TENT2: variants seen among roughly 807,000 people sequenced by gnomAD.
The protein encoded by TENT2 is terminal nucleotidyltransferase 2, also known as poly(A) RNA polymerase GLD2.
Under a neutral mutation model 72.2 loss-of-function variants are expected in TENT2, and 44 were observed. That is an observed-to-expected ratio of 0.61 (90% CI 0.48 to 0.78). TENT2 has a LOEUF of 0.78. Ranked by LOEUF, TENT2 falls within the 30% of genes least tolerant of loss-of-function variation. The probability of loss-of-function intolerance (pLI) is 0.00; values close to 1 mark genes in which losing one functional copy is unlikely to be tolerated. For synonymous variants in TENT2, 212 were observed against 192.5 expected, an observed-to-expected ratio of 1.10 and a Z score of -0.84; for missense variants, 541 against 569.6, an observed-to-expected ratio of 0.95 and a Z score of 0.51.
chr5:79,678,671 A>ATTT (rs1225555121), intron 12 of TENT2, among the ~76,000 whole-genome samples: 5 of 152,282 alleles, frequency 3.3e-5, no homozygotes, highest in Non-Finnish European at 4.4e-5. Flanking sequence ...CATTAAGTAT[A>ATTT]TTTTCATAGA....
chr5:79,621,739 C>T (rs1041409234), intron 3 of TENT2, among the ~76,000 whole-genome samples: 1 of 138,154 alleles, frequency 7.2e-6, no homozygotes, highest in African/African-American at 2.7e-5. Flanking sequence ...GCCTGGGCAA[C>T]AGAGCGAGAC....
At chr5:79,636,324 A>G (rs1012834809) in intron 4 of TENT2, among the ~76,000 whole-genome samples, 3 of 152,170 alleles carry the variant, frequency 2.0e-5, no homozygotes, top group African/African-American at 7.2e-5. Context: ...AATTAACAAC[A>G]TATGACTAAT....
chr5:79,656,984 C>T lies in TENT2; in HGVS notation c.1054C>T (p.Leu352Phe). The change falls in exon 11 of 15, where the codon CTC (leucine) becomes TTC (phenylalanine). Residue 352 changes from leucine to phenylalanine, a missense_variant. Transcript: ENST00000453514. Reference protein sequence around the residue: ...QTLPEPILPSLQKIYPESFSP... With the variant: ...QTLPEPILPSFQKIYPESFSP... ...CCTACCTGAACCCATCCTTCCATCC[C>T]TCCAAAAAATTTACCCAGTAAGTGT... The T allele has an allele frequency of 6.2e-7, 1 of 1,604,122 alleles. No individual in the cohort carries two copies. Among genetic ancestry groups the T allele is most frequent in the African/African-American group, 1.3e-5 (1 of 74,758 alleles).
At chr5:79,626,390 C>G (rs1318313426) in intron 4 of TENT2, among the ~76,000 whole-genome samples, 1 of 151,118 alleles carries the variant, frequency 6.6e-6, no homozygotes, top group Non-Finnish European at 1.5e-5. Context: ...TCACTGCAAG[C>G]TCTGCCTCCT....
chr5:79,616,383 A>G (rs867498364), intron 1 of TENT2, among the ~76,000 whole-genome samples: 6 of 150,438 alleles, frequency 4.0e-5, no homozygotes, highest in Admixed American at 6.6e-5. Context: ...TGTATTTAGT[A>G]GGGATTTCAC....
chr5:79,628,785 G>A (rs949753307), intron 4 of TENT2, among the ~76,000 whole-genome samples: 15 of 152,150 alleles, frequency 9.9e-5, no homozygotes, highest in African/African-American at 3.6e-4. Context: ...ATCATATAGG[G>A]CTTATGAGAA....
At chr5:79,613,716 G>C (rs916983080) in intron 1 of TENT2, among the ~76,000 whole-genome samples, 1 of 152,222 alleles carries the variant, frequency 6.6e-6, no homozygotes, top group Non-Finnish European at 1.5e-5. Context: ...TTGGAGCCAT[G>C]TGACTAGATT....
At chr5:79,674,194 C>T (rs1815280747) in intron 12 of TENT2, among the ~76,000 whole-genome samples, 1 of 152,066 alleles carries the variant, frequency 6.6e-6, no homozygotes. Flanking sequence ...TCAACCTGAC[C>T]AACATGGTGA....
intron 10 of TENT2, among the ~76,000 whole-genome samples, chr5:79,655,447 T>G (rs898579768): frequency 1.3e-5 from 2 of 152,106 alleles, no homozygotes; most frequent in African/African-American, 2.4e-5. Context: ...AATCTTCTCT[T>G]CATCCTTTGT....
chr5:79,654,763 C>CA (rs60829850), intron 10 of TENT2, among the ~76,000 whole-genome samples: 2,875 of 145,750 alleles, frequency 0.02, 82 homozygotes, highest in African/African-American at 0.065. Flanking sequence ...GACCCTGTCT[C>CA]AAAAAAAAAA....
chr5:79,637,921 C>A (rs1483230383), intron 4 of TENT2, among the ~76,000 whole-genome samples: 1 of 151,880 alleles, frequency 6.6e-6, no homozygotes, highest in African/African-American at 2.4e-5. Context: ...CCTCAGCCTC[C>A]CAAATAGCTG....
At chr5:79,681,033 C>A (rs1335148697) in intron 13 of TENT2, among the ~76,000 whole-genome samples, 1 of 151,724 alleles carries the variant, frequency 6.6e-6, no homozygotes, top group Non-Finnish European at 1.5e-5. Context: ...ATTGGAGACA[C>A]ACATACATAA....
chr5:79,683,419 G>C (rs1293547258), intron 14 of TENT2, among the ~76,000 whole-genome samples: 1 of 152,106 alleles, frequency 6.6e-6, no homozygotes, highest in Admixed American at 6.5e-5. Flanking sequence ...TGAGTGGAGA[G>C]AAAAGCCTTG....
intron 4 of TENT2, among the ~76,000 whole-genome samples, chr5:79,625,921 C>T (rs1443966946): frequency 5.3e-5 from 8 of 151,316 alleles, no homozygotes; most frequent in East Asian, 1.9e-4. Context: ...CTCCACCTCC[C>T]GGGTTCAAGC....
intron 4 of TENT2, among the ~76,000 whole-genome samples, chr5:79,635,170 T>C (rs1236747316): frequency 2.6e-5 from 4 of 152,196 alleles, no homozygotes; most frequent in Non-Finnish European, 4.4e-5. Context: ...ATAACAACAG[T>C]GAGCCATCTC....
chr5:79,674,744 T>A (rs1815853384), intron 12 of TENT2, among the ~76,000 whole-genome samples: 1 of 152,242 alleles, frequency 6.6e-6, no homozygotes, highest in Admixed American at 6.5e-5. Flanking sequence ...TTGAAATTTT[T>A]CATAATACAT....
At chr5:79,679,765 G>A in intron 13 of TENT2, 95 bp downstream of exon 13, 1 of 647,506 alleles carries the variant, frequency 1.5e-6, no homozygotes, top group Non-Finnish European at 2.3e-6. Context: ...ATACATTTAT[G>A]TCTGAAGTGA....
intron 1 of TENT2, among the ~76,000 whole-genome samples, chr5:79,618,889 C>T (rs1762556450): frequency 6.6e-6 from 1 of 152,206 alleles, no homozygotes; most frequent in Admixed American, 6.5e-5. Context: ...TAATTGCTTG[C>T]TTTGAGAAAG....
At position 79,613,079 on chromosome 5, in the gene TENT2, C is replaced by A. The variant is rs931732682; in HGVS notation, c.-38+4C>A. The A allele has an allele frequency of 2.0e-5, 3 of 152,088 alleles. No homozygotes were observed. The highest frequency in any genetic ancestry group is 7.2e-5 in the African/African-American group (3 of 41,396). 9.4% of individuals were successfully genotyped at this position (152,088 alleles called of 1,614,324 possible). A position where few individuals can be genotyped will look rare whatever the true frequency, so the allele number is the denominator to read the frequency against. On this transcript the variant is annotated splice_donor_region_variant and intron_variant, in intron 1 of 14. Coordinates refer to ENST00000453514, the MANE Select transcript of TENT2 (RefSeq NM_001114394.3). ...CAAAGGGTGGTGAAGAACTAAGGTA[C>A]GTAGCTGGATTAATTAAAAAATTTA...
Sources: gnomAD v4.1 joint callset for allele counts (sites outside exome capture counted in the v4.1 genomes callset) on GRCh38, gnomAD v4.1.1 for gene constraint, MANE v1.5 for transcripts, NCBI Gene and HGNC (gene_info 2026-07-23, HGNC 2026-07-21) for gene names.